NLRP11: variants seen among roughly 807,000 people sequenced by gnomAD.
The protein encoded by NLRP11 is NLR family pyrin domain containing 11.
NLRP11 carries 53 observed loss-of-function variants against 79.3 expected under a neutral mutation model. The observed-to-expected ratio is 0.67, with a 90% CI of 0.54 to 0.84. The LOEUF (loss-of-function observed/expected upper bound fraction) is 0.84. Among genes scored for constraint, NLRP11 ranks in the 40% least tolerant of loss-of-function variants. The probability of loss-of-function intolerance (pLI) is 0.00; values close to 1 mark genes in which losing one functional copy is unlikely to be tolerated. For missense variants in NLRP11, 1,264 were observed against 1,255.0 expected (o/e 1.01, Z -0.11); for synonymous variants, 518 against 462.6 (o/e 1.12, Z -1.54).
chr19:55,832,492 C>T (rs142578679), upstream of NLRP11, among the ~76,000 whole-genome samples: 8 of 152,280 alleles, frequency 5.3e-5, no homozygotes, highest in East Asian at 9.7e-4. Context: ...ATCCTCCACC[C>T]GGGGGGCCCG....
intron 5 of NLRP11, among the ~76,000 whole-genome samples, chr19:55,799,428 T>C (rs1164064078): frequency 6.6e-6 from 1 of 152,142 alleles, no homozygotes; most frequent in African/African-American, 2.4e-5. Context: ...TTAGAACCAC[T>C]TGGAAATATC....
chr19:55,788,942 C>G, exon 9 of NLRP11: 1 of 1,613,716 alleles, frequency 6.2e-7, no homozygotes, highest in Non-Finnish European at 8.5e-7. Flanking sequence ...GGCAAGAGAT[C>G]GACAGCAGGC....
intron 5 of NLRP11, among the ~76,000 whole-genome samples, chr19:55,799,723 G>C (rs1979290546): frequency 6.6e-6 from 1 of 152,022 alleles, no homozygotes; most frequent in Admixed American, 6.6e-5. Context: ...TGAGGGGCTG[G>C]GTGCAGTGGC....
Position 55,788,982 on chromosome 19 carries a change from A to G in NLRP11, c.2685-5T>C. On this transcript the variant is annotated splice_region_variant and splice_polypyrimidine_tract_variant and intron_variant, in intron 8 of 9. Transcript: ENST00000589093. ...GTTAACATGCACTCTTCTAGCCTGC[A>G]ACGAAGATGCACAGGTAAGGTGGGG... 2 of 1,613,936 alleles carry G rather than the reference A, an allele frequency of 1.2e-6. No homozygotes were observed. The highest frequency in any genetic ancestry group is 1.7e-6 in the Non-Finnish European group (2 of 1,179,942).
intron 4 of NLRP11, among the ~76,000 whole-genome samples, chr19:55,805,618 T>C (rs1201730136): frequency 1.3e-5 from 2 of 152,072 alleles, no homozygotes; most frequent in African/African-American, 2.4e-5. Context: ...CAGCTCACCG[T>C]GGCCTGCGCC....
chr19:55,801,810 G>T, intron 4 of NLRP11, 71 bp from the exon 5 acceptor site: 8 of 1,269,218 alleles, frequency 6.3e-6, no homozygotes, highest in Non-Finnish European at 9.1e-6. Context: ...TCTCCTGCCT[G>T]CCTCACTTCA....
exon 10 of NLRP11, chr19:55,785,761 C>T: frequency 6.2e-7 from 1 of 1,614,192 alleles, no homozygotes; most frequent in South Asian, 1.1e-5. Flanking sequence ...ACCAATTTCT[C>T]TGCCTTCCTT....
intron 5 of NLRP11, 93 bp from the exon 6 acceptor site, chr19:55,796,343 A>G (rs1431225319): frequency 1.0e-6 from 1 of 997,422 alleles, no homozygotes; most frequent in African/African-American, 1.6e-5. Context: ...GACCTAACCA[A>G]GTGCGATGAT....
At chr19:55,815,511 G>A (rs1188540652) in intron 2 of NLRP11, among the ~76,000 whole-genome samples, 1 of 132,266 alleles carries the variant, frequency 7.6e-6, no homozygotes, top group Non-Finnish European at 1.5e-5. Flanking sequence ...CCTGGACAAT[G>A]GAACAAGACT....
At chr19:55,822,747 G>A (rs1038399017) in intron 1 of NLRP11, among the ~76,000 whole-genome samples, 4 of 152,104 alleles carry the variant, frequency 2.6e-5, no homozygotes, top group African/African-American at 9.7e-5. Context: ...TCCCACACCT[G>A]GCTCGGAGGG....
At chr19:55,788,968 C>G in exon 9 of NLRP11, 1 of 1,613,910 alleles carries the variant, frequency 6.2e-7, no homozygotes, top group African/African-American at 1.3e-5. Flanking sequence ...TTAACATGCA[C>G]TCTTCTAGCC....
chr19:55,816,806 A>T (rs1981163172), intron 2 of NLRP11, among the ~76,000 whole-genome samples: 1 of 152,198 alleles, frequency 6.6e-6, no homozygotes, highest in South Asian at 2.1e-4. Flanking sequence ...TTGGCTGGCT[A>T]CTTTCATATA....
chr19:55,806,981 C>T (rs561590914), intron 4 of NLRP11, among the ~76,000 whole-genome samples: 13 of 152,248 alleles, frequency 8.5e-5, no homozygotes, highest in Non-Finnish European at 1.6e-4. Flanking sequence ...CTCCCACACC[C>T]CTAAATACCC....
At position 55,824,594 on chromosome 19, in the gene NLRP11, A is replaced by C. The variant is rs1158859451; in HGVS notation, c.-62-6358T>G. ...ATCTACCAAGCAAATGGAAAACAAA[A>C]AAAGGAAGGGGTTGCAATCCTAGTC... On this transcript the variant is annotated intron_variant, in intron 1 of 9. Coordinates refer to ENST00000589093, the Ensembl canonical transcript of NLRP11. Among the ~76,000 whole-genome samples, 2 of 119,132 alleles carry C rather than the reference A, an allele frequency of 1.7e-5. 1 individual carries two copies. The highest frequency in any genetic ancestry group is 3.2e-5 in the Non-Finnish European group (2 of 62,622). 78.2% of individuals were successfully genotyped at this position (119,132 alleles called of 152,430 possible). A position where few individuals can be genotyped will look rare whatever the true frequency, so the allele number is the denominator to read the frequency against.
intron 2 of NLRP11, among the ~76,000 whole-genome samples, chr19:55,810,652 A>G (rs543898428): frequency 3.0e-4 from 46 of 152,142 alleles, no homozygotes; most frequent in African/African-American, 8.7e-4. Flanking sequence ...GTGCACCACC[A>G]CACCTGGCTA....
intron 5 of NLRP11, among the ~76,000 whole-genome samples, chr19:55,799,899 G>A (rs1458247457): frequency 3.3e-5 from 5 of 152,036 alleles, no homozygotes; most frequent in African/African-American, 4.8e-5. Flanking sequence ...CCCGGGAGGC[G>A]GAGGTTTTAG....
chr19:55,835,935 C>G (rs1983223174), upstream of NLRP11, among the ~76,000 whole-genome samples: 1 of 152,226 alleles, frequency 6.6e-6, no homozygotes, highest in Admixed American at 6.5e-5. Context: ...ACCAGCCTGG[C>G]CAACATGGCG....
chr19:55,828,530 T>G (rs1160868487), intron 1 of NLRP11, among the ~76,000 whole-genome samples: 1 of 152,204 alleles, frequency 6.6e-6, no homozygotes, highest in Admixed American at 6.5e-5. Flanking sequence ...CCAGGAGAGC[T>G]GCTATGTGTG....
At chr19:55,795,992 C>G (rs1978808001) in intron 6 of NLRP11, 88 bp downstream of exon 6, 1 of 1,234,702 alleles carries the variant, frequency 8.1e-7, no homozygotes, top group Non-Finnish European at 1.2e-6. Context: ...TTTGCTGTCC[C>G]TTTCCCCACC....
Sources: gnomAD v4.1 joint callset for allele counts (sites outside exome capture counted in the v4.1 genomes callset) on GRCh38, gnomAD v4.1.1 for gene constraint, MANE v1.5 for transcripts, NCBI Gene and HGNC (gene_info 2026-07-23, HGNC 2026-07-21) for gene names.